The following DGKB variants were observed in gnomAD, a reference collection of about 807,000 sequenced individuals.
DGKB encodes the protein diacylglycerol kinase beta, also known as 90 kDa diacylglycerol kinase.
A neutral mutation model predicts 114.3 loss-of-function variants in DGKB; 67 were observed. That is an observed-to-expected ratio of 0.59 (90% CI 0.48 to 0.72). DGKB has a LOEUF of 0.72. Ranked by LOEUF, DGKB falls within the 30% of genes least tolerant of loss-of-function variation. The pLI, the probability that DGKB is intolerant of heterozygous loss-of-function variation, is 0.00. For synonymous variants in DGKB, 398 were observed against 323.1 expected (o/e 1.23, Z -2.49); for missense variants, 907 against 975.2 (o/e 0.93, Z 0.93).
intron 10 of DGKB, among the ~76,000 whole-genome samples, chr7:14,684,410 G>C (rs982261835): frequency 2.0e-5 from 3 of 152,112 alleles, no homozygotes; most frequent in Admixed American, 6.5e-5. Flanking sequence ...AGCTGAAAAG[G>C]TTGGGGAGAG....
chr7:14,625,430 T>G (rs1224889316), intron 14 of DGKB, among the ~76,000 whole-genome samples: 1 of 152,148 alleles, frequency 6.6e-6, no homozygotes, highest in East Asian at 1.9e-4. Flanking sequence ...CAGGTTTCAC[T>G]AGCTTTTTTG....
intron 12 of DGKB, among the ~76,000 whole-genome samples, chr7:14,677,005 A>G (rs189857191): frequency 2.6e-5 from 4 of 152,160 alleles, no homozygotes; most frequent in Admixed American, 2.0e-4. Flanking sequence ...TAGGAAAATC[A>G]TATAATAGAA....
At position 14,607,469 on chromosome 7, in the gene DGKB, C is replaced by G; in HGVS notation, c.1398G>C (p.Gln466His). ...GTCCATTTCCAGAAAGACTGTAAAC[C>G]TGACGAGGATTTAATAGATACTGGA... The part of the protein sequence containing the change: ...RKFQYLLNPR[Q>H]VYSLSGNGPM... Residue 466 changes from glutamine to histidine, a missense_variant, in exon 17 of 26, where the codon CAG (glutamine) becomes CAC (histidine). By Grantham distance (24) the Gln-to-His change is conservative. This residue lies in a region of DGKB where 814 missense variants were observed against 856.6 expected (regional missense o/e 0.95). Transcript: ENST00000402815. 1 of 1,591,204 alleles carries G rather than the reference C, an allele frequency of 6.3e-7. No individual in the cohort carries two copies. The highest frequency in any genetic ancestry group is 8.6e-7 in the Non-Finnish European group (1 of 1,160,964).
At chr7:14,170,709 T>A (rs1420230344) in intron 25 of DGKB, among the ~76,000 whole-genome samples, 1 of 152,188 alleles carries the variant, frequency 6.6e-6, no homozygotes, top group African/African-American at 2.4e-5. Flanking sequence ...AACAAACACA[T>A]AAACAAAAAA....
intron 23 of DGKB, among the ~76,000 whole-genome samples, chr7:14,208,725 C>T (rs746698883): frequency 4.6e-5 from 7 of 151,908 alleles, no homozygotes; most frequent in African/African-American, 9.7e-5. Flanking sequence ...CTAGCCTTCT[C>T]GCTTTGGTTT....
chr7:14,817,346 T>C (rs1275000797), intron 2 of DGKB, among the ~76,000 whole-genome samples: 2 of 152,214 alleles, frequency 1.3e-5, no homozygotes, highest in African/African-American at 4.8e-5. Context: ...TAAGAATTGA[T>C]TGGCAAGTGT....
At chr7:14,249,012 A>G (rs1043073863) in intron 23 of DGKB, among the ~76,000 whole-genome samples, 3 of 152,118 alleles carry the variant, frequency 2.0e-5, no homozygotes, top group African/African-American at 7.2e-5. Flanking sequence ...ATGAATGTAC[A>G]TTCCTTCTAT....
At chr7:14,656,396 T>G (rs1298260738) in intron 13 of DGKB, among the ~76,000 whole-genome samples, 1 of 151,408 alleles carries the variant, frequency 6.6e-6, no homozygotes, top group Non-Finnish European at 1.5e-5. Flanking sequence ...AAATTTTGGT[T>G]TTTTTTTCTA....
rs1039047686 is a variant in DGKB, at chr7:14,589,752, T to C, written c.1434-6615A>G. Among the ~76,000 whole-genome samples, 6 of 152,198 alleles carry C rather than the reference T, an allele frequency of 3.9e-5. No individual in the cohort carries two copies. In the East Asian group the frequency reaches 1.2e-3, roughly 29 times the overall value. ...AAATCCTTTCAGGCACCCAAATTGA[T>C]TCTTGTGTATTAATATTTTTAAGAT... On this transcript the variant is annotated intron_variant, in intron 17 of 25. Transcript: ENST00000402815.
intron 20 of DGKB, among the ~76,000 whole-genome samples, chr7:14,518,347 C>G (rs1789185405): frequency 1.3e-5 from 2 of 152,008 alleles, no homozygotes; most frequent in African/African-American, 4.8e-5. Flanking sequence ...GATCGCAAAA[C>G]TACCTATTGG....
intron 23 of DGKB, among the ~76,000 whole-genome samples, chr7:14,282,881 C>A (rs1329974475): frequency 6.6e-6 from 1 of 152,072 alleles, no homozygotes; most frequent in Non-Finnish European, 1.5e-5. Flanking sequence ...TAAGAGCTAT[C>A]TATGACAGAC....
intron 14 of DGKB, among the ~76,000 whole-genome samples, chr7:14,624,416 C>G (rs1808208031): frequency 6.6e-6 from 1 of 152,046 alleles, no homozygotes; most frequent in Non-Finnish European, 1.5e-5. Flanking sequence ...AAATAAAATT[C>G]AATTTGATTA....
intron 2 of DGKB, among the ~76,000 whole-genome samples, chr7:14,811,725 G>C (rs1843459164): frequency 6.6e-6 from 1 of 151,818 alleles, no homozygotes; most frequent in African/African-American, 2.4e-5. Context: ...TGTCACTAGA[G>C]TTTTAAAAAT....
At chr7:14,698,071 T>C (rs1362679838) in intron 8 of DGKB, 24 bp downstream of exon 8, 2 of 1,353,958 alleles carry the variant, frequency 1.5e-6, no homozygotes, top group South Asian at 1.3e-5. Context: ...ATTTAGCCAA[T>C]AGTGAAATCA....
intron 2 of DGKB, among the ~76,000 whole-genome samples, chr7:14,800,119 T>C (rs567171350): frequency 5.3e-5 from 8 of 152,224 alleles, no homozygotes; most frequent in Non-Finnish European, 1.2e-4. Flanking sequence ...GGTTTCACCA[T>C]TTTAGCCAGG....
At chr7:14,172,204 T>C (rs1026153467) in intron 25 of DGKB, among the ~76,000 whole-genome samples, 10 of 151,008 alleles carry the variant, frequency 6.6e-5, no homozygotes. Flanking sequence ...AGAGATTATG[T>C]TGGTAAAACA....
intron 7 of DGKB, among the ~76,000 whole-genome samples, chr7:14,700,136 T>G (rs1005594970): frequency 2.6e-5 from 4 of 152,058 alleles, no homozygotes; most frequent in Non-Finnish European, 5.9e-5. Context: ...ATGAGCAAAT[T>G]TATTATGTAG....
chr7:14,488,842 CA>C (rs779997674), intron 20 of DGKB, among the ~76,000 whole-genome samples: 4 of 85,732 alleles, frequency 4.7e-5, no homozygotes, highest in Admixed American at 2.3e-4. Context: ...CAAAAAAAAA[CA>C]AAAAAAAACA....
At chr7:14,704,458 AAAAAAAG>A (rs1563964612) in intron 6 of DGKB, among the ~76,000 whole-genome samples, 2 of 149,890 alleles carry the variant, frequency 1.3e-5, no homozygotes, top group African/African-American at 2.5e-5. Flanking sequence ...AAAAAAAAAA[AAAAAAAG>A]AAAAAAGAAA....
Sources: allele counts gnomAD v4.1 joint callset (sites outside exome capture counted in the v4.1 genomes callset), GRCh38; gene constraint gnomAD v4.1.1; regional missense constraint gnomAD v4.1.1; transcripts MANE v1.5; gene names NCBI Gene and HGNC (gene_info 2026-07-23, HGNC 2026-07-21).